The following SYNE2 variants were observed in gnomAD, a reference collection of about 807,000 sequenced individuals.
SYNE2 encodes the protein nesprin-2.
Under a neutral mutation model 856.3 loss-of-function variants are expected in SYNE2, and 431 were observed. The observed-to-expected ratio is 0.50, with a 90% confidence interval of 0.47 to 0.55. SYNE2 has a LOEUF of 0.55. Ranked by LOEUF, SYNE2 falls within the 20% of genes least tolerant of loss-of-function variation. The pLI, the probability that SYNE2 is intolerant of heterozygous loss-of-function variation, is 0.00. For missense variants in SYNE2, 8,129 were observed against 8,023.2 expected, an observed-to-expected ratio of 1.01 and a Z score of -0.50; for synonymous variants, 2,923 against 2,872.3, an observed-to-expected ratio of 1.02 and a Z score of -0.56.
At position 64,052,936 on chromosome 14, in the gene SYNE2, T is replaced by C. The variant is rs115969845; in HGVS notation, c.9023T>C (p.Ile3008Thr). ...VLKLKKVFDY[I>T]GLNWDFSQLD... ...AAACTTAAAAAAGTGTTTGACTATA[T>C]TGGACTAAACTGGGATTTTTCACAA... The change falls in exon 48 of 116, where the codon ATT becomes ACT. Residue 3008 changes from isoleucine to threonine, a missense_variant. Coordinates refer to ENST00000555002, the MANE Select transcript of SYNE2 (RefSeq NM_182914.3). 3,288 of 1,612,470 alleles carry C rather than the reference T, an allele frequency of 2.0e-3. 52 individuals are homozygous for C. In the African/African-American group the frequency reaches 0.039, roughly 19 times the overall value.
At chr14:64,210,206 AAGC>A (rs1301380132) in intron 103 of SYNE2, 82 bp downstream of exon 103, 6 of 1,505,194 alleles carry the variant, frequency 4.0e-6, no homozygotes, top group Non-Finnish European at 1.8e-6. Context: ...TTGTGGCACA[AAGC>A]AGCAGGTAGA....
chr14:64,047,961 A>G, intron 45 of SYNE2, 39 bp from the exon 46 acceptor site: 1 of 1,603,164 alleles, frequency 6.2e-7, no homozygotes, highest in Non-Finnish European at 8.5e-7. Context: ...TTATTTGGAA[A>G]GTAGACTATT....
intron 112 of SYNE2, 28 bp downstream of exon 112, chr14:64,221,732 T>C: frequency 1.2e-6 from 2 of 1,612,748 alleles, no homozygotes; most frequent in Non-Finnish European, 1.7e-6. Context: ...GGCTCTGTAC[T>C]GCCACCAGCC....
chr14:64,093,417 T>C lies in SYNE2; in HGVS notation c.12045T>C (p.Tyr4015=). The stretch of plus-strand genomic sequence containing the variant: ...ATTTGAAACAGATCTTAAATAATTA[T>C]TCAGCTCAGTTCTCCCTTGAACATA... ...IENLKQILNN[Y]SAQFSLEHMS... Residue 4015 remains tyrosine, a synonymous_variant, in exon 61 of 116, where the codon TAT becomes TAC. Transcript: ENST00000555002. 6.2e-7 allele frequency: 1 copy of C among 1,614,138 alleles called. No individual in the cohort carries two copies. The highest frequency in any genetic ancestry group is 8.5e-7 in the Non-Finnish European group (1 of 1,179,972).
intron 2 of SYNE2, among the ~76,000 whole-genome samples, chr14:63,939,082 A>C (rs1241624173): frequency 6.6e-6 from 1 of 152,202 alleles, no homozygotes; most frequent in East Asian, 1.9e-4. Flanking sequence ...GGCCGTAAGC[A>C]TTGGGCACAG....
chr14:64,182,450 A>G (rs561048897), intron 96 of SYNE2, among the ~76,000 whole-genome samples: 4 of 152,110 alleles, frequency 2.6e-5, no homozygotes, highest in Non-Finnish European at 5.9e-5. Context: ...GGGATTTGGC[A>G]CGGTCATAGG....
intron 27 of SYNE2, 57 bp from the exon 28 acceptor site, chr14:64,000,505 A>C (rs2096745683): frequency 6.8e-7 from 1 of 1,476,744 alleles, no homozygotes; most frequent in Non-Finnish European, 9.5e-7. Context: ...TTAAGAACAG[A>C]ATAATTGTGT....
intron 7 of SYNE2, 136 bp downstream of exon 7, chr14:63,950,142 G>A (rs149557657): frequency 2.5e-5 from 26 of 1,050,784 alleles, no homozygotes; most frequent in African/African-American, 7.9e-5. Context: ...TCTTCCATAC[G>A]TGGAAGCCCA....
At position 63,927,659 on chromosome 14, in the gene SYNE2, C is replaced by T. The variant is rs915378745; in HGVS notation, c.80-12955C>T. ...CTGTAATCATAGCGCTTTGGGAGGC[C>T]GAGGAGGACGGATCACGAGGTCAGG... is the stretch of plus-strand genomic sequence containing the variant. On this transcript the variant is annotated intron_variant, in intron 2 of 115. Transcript: ENST00000555002. Among the ~76,000 whole-genome samples the T allele has an allele frequency of 5.9e-5, 9 of 151,928 alleles. 1 individual carries two copies. The South Asian group carries it at 8.3e-4, about 14-fold the overall frequency.
intron 30 of SYNE2, among the ~76,000 whole-genome samples, chr14:64,005,963 C>A (rs1313723400): frequency 1.3e-5 from 2 of 152,188 alleles, no homozygotes; most frequent in African/African-American, 4.8e-5. Flanking sequence ...GGATGAAAAT[C>A]AAGAGACTTC....
At chr14:64,042,912 T>C (rs2097159563) in intron 45 of SYNE2, among the ~76,000 whole-genome samples, 1 of 152,138 alleles carries the variant, frequency 6.6e-6, no homozygotes, top group South Asian at 2.1e-4. Context: ...AGGTAGAGGT[T>C]GGAACAGTTT....
chr14:64,063,029 C>A, intron 50 of SYNE2, 134 bp downstream of exon 50: 1 of 1,061,292 alleles, frequency 9.4e-7, no homozygotes, highest in Non-Finnish European at 1.4e-6. Flanking sequence ...CATGAATATT[C>A]CTCAAATCGA....
Position 64,214,188 on chromosome 14 carries a change from G to C in SYNE2, c.19057-6G>C, listed in dbSNP as rs1404626317. On this transcript the variant is annotated splice_region_variant and splice_polypyrimidine_tract_variant and intron_variant, in intron 105 of 115. Transcript: ENST00000555002. Reference sequence around the variant, plus strand: ...TTAATTCTAACAACTGGATACTGTGGTTTAGGGCTTGGAAGATGAAAAGGA... The same window carrying C: ...TTAATTCTAACAACTGGATACTGTGCTTTAGGGCTTGGAAGATGAAAAGGA... 3 of 1,614,086 alleles carry C rather than the reference G, an allele frequency of 1.9e-6. No homozygotes were observed. The highest frequency in any genetic ancestry group is 1.1e-5 in the South Asian group (1 of 91,084).
chr14:64,138,946 GGTGTGTGT>G lies in SYNE2; in HGVS notation c.14844-968_14844-961del, dbSNP rs150016027. On this transcript the variant is annotated intron_variant, in intron 79 of 115. Transcript: ENST00000555002. Reference sequence around the variant, plus strand: ...TGTGTGTGTGTGTGTGTGTATGTATGGTGTGTGTGTGTGTGTGTGTGTGTGTGTGTGTG... The same window carrying G: ...TGTGTGTGTGTGTGTGTGTATGTATGGTGTGTGTGTGTGTGTGTGTGTGTG... 2.8e-3 allele frequency among the ~76,000 whole-genome samples: 387 copies of G among 137,760 alleles called. 2 individuals are homozygous for G. Among genetic ancestry groups the G allele is most frequent in the African/African-American group, 8.3e-3 (294 of 35,572 alleles). 90.4% of individuals were successfully genotyped at this position (137,760 alleles called of 152,430 possible).
chr14:64,021,775 C>T, intron 36 of SYNE2, 82 bp from the exon 37 acceptor site: 1 of 1,489,366 alleles, frequency 6.7e-7, no homozygotes, highest in Non-Finnish European at 9.3e-7. Context: ...GAGATTTTTA[C>T]AAAACAATTG....
chr14:63,851,738 A>G (rs2139963855), upstream of SYNE2, among the ~76,000 whole-genome samples: 1 of 152,064 alleles, frequency 6.6e-6, no homozygotes, highest in South Asian at 2.1e-4. Context: ...TCACTTAAAT[A>G]ATTCAGGCAA....
intron 63 of SYNE2, among the ~76,000 whole-genome samples, chr14:64,100,988 A>G (rs750999327): frequency 1.3e-5 from 2 of 151,810 alleles, no homozygotes; most frequent in Admixed American, 6.6e-5. Flanking sequence ...GAATTTCCTT[A>G]TTTTTTAAGG....
chr14:63,773,255 A>AGT lies in SYNE2; in HGVS notation c.-305+11271_-305+11272dup, dbSNP rs1886987646. Among the ~76,000 whole-genome samples, 19 of 152,242 alleles carry AGT rather than the reference A, an allele frequency of 1.2e-4. No individual in the cohort carries two copies. In the South Asian group the frequency reaches 3.7e-3, roughly 30 times the overall value. ...CACTCTGTCACCCAGGCTGGAATGCAGTGGCTCAATCACGGCTCACTGCAG... is the reference window on the plus strand; with the variant it reads ...CACTCTGTCACCCAGGCTGGAATGCAGTGTGGCTCAATCACGGCTCACTGCAG... On this transcript the variant is annotated intron_variant, in intron 1 of 23. Coordinates refer to the SYNE2 transcript ENST00000674003.
intron 112 of SYNE2, 117 bp downstream of exon 112, chr14:64,221,821 T>G (rs1041299613): frequency 1.6e-6 from 2 of 1,242,046 alleles, no homozygotes; most frequent in African/African-American, 1.5e-5. Flanking sequence ...TGTTTGCCTG[T>G]AAATGCACGA....
Sources: allele counts gnomAD v4.1 joint callset (sites outside exome capture counted in the v4.1 genomes callset), GRCh38; gene constraint gnomAD v4.1.1; transcripts MANE v1.5; gene names NCBI Gene and HGNC (gene_info 2026-07-23, HGNC 2026-07-21).